EDNRB: variants seen among roughly 807,000 people sequenced by gnomAD.
EDNRB encodes the protein Hirschsprung disease 2.
A neutral mutation model predicts 46.4 loss-of-function variants in EDNRB; 18 were observed. The ratio of observed to expected loss-of-function variants is 0.39; its 90% CI spans 0.27 to 0.57. The LOEUF is 0.57. EDNRB is among the 20% of genes least tolerant of loss of function. EDNRB has a pLI of 0.61. For missense variants in EDNRB, 434 were observed against 537.5 expected, an observed-to-expected ratio of 0.81 and a Z score of 1.90; for synonymous variants, 213 against 204.9, an observed-to-expected ratio of 1.04 and a Z score of -0.34.
intron 1 of EDNRB, among the ~76,000 whole-genome samples, chr13:77,928,504 C>T (rs1199465056): frequency 4.6e-5 from 7 of 151,988 alleles, no homozygotes; most frequent in Non-Finnish European, 4.4e-5. Flanking sequence ...TAAGGAGTTT[C>T]GTTTTCAAGA....
intron 1 of EDNRB, among the ~76,000 whole-genome samples, chr13:77,943,351 A>G (rs1457750954): frequency 2.0e-5 from 3 of 152,108 alleles, no homozygotes; most frequent in African/African-American, 2.4e-5. Flanking sequence ...GATAATCTCT[A>G]TTAATGATGG....
At chr13:77,919,281 C>T (rs528046256), upstream of EDNRB, 2 of 1,103,906 alleles carry the variant, frequency 1.8e-6, no homozygotes, top group African/African-American at 1.6e-5. Context: ...TTTAATTTGC[C>T]CTCTCTATAG....
upstream of EDNRB, among the ~76,000 whole-genome samples, chr13:77,920,519 G>A (rs929970517): frequency 4.6e-5 from 7 of 152,202 alleles, no homozygotes; most frequent in African/African-American, 9.7e-5. Context: ...CTTCATGTTA[G>A]TTAATGGAAT....
At position 77,973,008 on chromosome 13, in the gene EDNRB, C is replaced by T. The variant is rs763744803; in HGVS notation, c.-52+2339G>A. Among the ~76,000 whole-genome samples, 4 of 152,170 alleles carry T rather than the reference C, an allele frequency of 2.6e-5. No homozygotes were observed. The East Asian group carries it at 5.8e-4, about 22-fold the overall frequency. On this transcript the variant is annotated intron_variant, in intron 1 of 7. Coordinates refer to the EDNRB transcript ENST00000646948. Reference sequence around the variant, plus strand: ...TCTTCTTTCCACCTTTTGATGAGAACGTGATCTTCAGGCTGGTGCTGGTTT... The same window carrying T: ...TCTTCTTTCCACCTTTTGATGAGAATGTGATCTTCAGGCTGGTGCTGGTTT...
At chr13:77,899,422 T>C (rs577714734) in intron 6 of EDNRB, 188 of 177,058 alleles carry the variant, frequency 1.1e-3, no homozygotes, top group African/African-American at 4.3e-3. Context: ...TAAACTATTT[T>C]TTTTTTGTTT....
chr13:77,963,647 G>C (rs561185302), intron 1 of EDNRB, among the ~76,000 whole-genome samples: 1 of 152,226 alleles, frequency 6.6e-6, no homozygotes, highest in Non-Finnish European at 1.5e-5. Context: ...TTAAATGTTA[G>C]ACCTAAAACC....
At chr13:77,922,905 T>G (rs75513376), upstream of EDNRB, among the ~76,000 whole-genome samples, 2,563 of 152,314 alleles carry the variant, frequency 0.017, 50 homozygotes, top group East Asian at 0.087. Context: ...CTATTCCTGT[T>G]AAAACGCTCA....
chr13:77,969,088 G>T (rs149778607), intron 1 of EDNRB, among the ~76,000 whole-genome samples: 1 of 152,122 alleles, frequency 6.6e-6, no homozygotes, highest in South Asian at 2.1e-4. Flanking sequence ...ACTGAGTTTC[G>T]TTTAAGCCTT....
At chr13:77,907,714 GA>G (rs2137620785) in intron 1 of EDNRB, among the ~76,000 whole-genome samples, 1 of 152,010 alleles carries the variant, frequency 6.6e-6, no homozygotes, top group Admixed American at 6.6e-5. Context: ...GAAGAATCAA[GA>G]TGAATGAGCG....
chr13:77,952,423 T>G (rs947233512), intron 1 of EDNRB, among the ~76,000 whole-genome samples: 4 of 152,192 alleles, frequency 2.6e-5, no homozygotes, highest in African/African-American at 9.6e-5. Flanking sequence ...GTCTGTTTAA[T>G]AAACATTATT....
intron 1 of EDNRB, among the ~76,000 whole-genome samples, chr13:77,932,302 A>G (rs1246848885): frequency 6.6e-6 from 1 of 152,230 alleles, no homozygotes; most frequent in Non-Finnish European, 1.5e-5. Context: ...GATCAAATTT[A>G]TCAGAACATA....
intron 1 of EDNRB, among the ~76,000 whole-genome samples, chr13:77,961,150 C>T (rs1003175774): frequency 1.9e-4 from 29 of 152,270 alleles, no homozygotes; most frequent in African/African-American, 6.5e-4. Context: ...AGAAAGTTAA[C>T]AAGGATACCC....
chr13:77,912,141 A>G (rs1410666736), intron 1 of EDNRB, among the ~76,000 whole-genome samples: 1 of 152,082 alleles, frequency 6.6e-6, no homozygotes, highest in Non-Finnish European at 1.5e-5. Context: ...ACAACTATGG[A>G]AATATCTTCA....
chr13:77,963,006 A>G (rs1264251189), intron 1 of EDNRB, among the ~76,000 whole-genome samples: 1 of 152,192 alleles, frequency 6.6e-6, no homozygotes, highest in Non-Finnish European at 1.5e-5. Context: ...ATCATGAGTG[A>G]ACTCCCATTC....
chr13:77,946,045 T>A (rs1880901805), intron 1 of EDNRB, among the ~76,000 whole-genome samples: 1 of 152,198 alleles, frequency 6.6e-6, no homozygotes, highest in African/African-American at 2.4e-5. Context: ...ATGCCGTGAA[T>A]CCTGTCTCAT....
rs148189360 is a variant in EDNRB at position 77,918,299 on chromosome 13, C to T, written c.275G>A (p.Gly92Glu). 6.2e-7 allele frequency: 1 copy of T among 1,613,952 alleles called. No individual in the cohort carries two copies. Among genetic ancestry groups the T allele is most frequent in the African/African-American group, 1.3e-5 (1 of 74,878 alleles). Residue 92 changes from glycine to glutamate, a missense_variant, in exon 1 of 7, where the codon GGA becomes GAA. Coordinates refer to ENST00000646607, the MANE Select transcript of EDNRB (RefSeq NM_001122659.3). The surrounding 1 kb of genome is among the most constrained non-coding windows in gnomAD (Gnocchi z 4.5). ...GAAAGTCTCCTTGATCTCGATGGGT[C>T]CTTGGCACGGGGGAGGGGAGATGGT... ...PRTISPPPCQ[G>E]PIEIKETFKY...
In EDNRB at chr13:77,899,983, C is replaced by G. The variant is rs1878853032; in HGVS notation, c.1086-16G>C. ...CAACAGAAAGCTGCAACAAAATAACCCAAAATGTGTCTGAAAAATATGCTA... is the reference window on the plus strand; with the variant it reads ...CAACAGAAAGCTGCAACAAAATAACGCAAAATGTGTCTGAAAAATATGCTA... On this transcript the variant is annotated splice_polypyrimidine_tract_variant and intron_variant, in intron 5 of 6. Coordinates refer to ENST00000646607, the MANE Select transcript of EDNRB (RefSeq NM_001122659.3). The G allele has an allele frequency of 6.3e-7, 1 of 1,599,194 alleles. No individual in the cohort carries two copies. The highest frequency in any genetic ancestry group is 8.6e-7 in the Non-Finnish European group (1 of 1,168,018).
chr13:77,917,813 C>G (rs1003287286), intron 1 of EDNRB, among the ~76,000 whole-genome samples: 5 of 152,188 alleles, frequency 3.3e-5, no homozygotes, highest in Admixed American at 2.6e-4. Flanking sequence ...ACCAAGTTCC[C>G]AAAGTGATAC....
intron 1 of EDNRB, among the ~76,000 whole-genome samples, chr13:77,942,782 T>C (rs900573573): frequency 5.3e-5 from 5 of 93,822 alleles, no homozygotes; most frequent in African/African-American, 1.2e-4. Flanking sequence ...AAAAATGAAA[T>C]AGAGAAAAGA....
Sources: gnomAD v4.1 joint callset for allele counts (sites outside exome capture counted in the v4.1 genomes callset) on GRCh38, gnomAD v4.1.1 for gene constraint, Gnocchi (gnomAD v3.1) non-coding constraint, MANE v1.5 for transcripts, NCBI Gene and HGNC (gene_info 2026-07-23, HGNC 2026-07-21) for gene names.